MYT1L: variants seen among roughly 807,000 people sequenced by gnomAD.
The protein encoded by MYT1L is myelin transcription factor 1 like.
Under a neutral mutation model 126.7 loss-of-function variants are expected in MYT1L, and 12 were observed. The ratio of observed to expected loss-of-function variants is 0.09; its 90% confidence interval spans 0.06 to 0.15. The LOEUF (loss-of-function observed/expected upper bound fraction) is 0.15, where lower values mean the gene tolerates loss of function less well. Among genes scored for constraint, MYT1L ranks in the 10% least tolerant of loss-of-function variants. The pLI, the probability that MYT1L is intolerant of heterozygous loss-of-function variation, is 1.00. For missense variants in MYT1L, 979 were observed against 1,585.2 expected, an observed-to-expected ratio of 0.62 and a Z score of 6.49; for synonymous variants, 541 against 604.2, an observed-to-expected ratio of 0.90 and a Z score of 1.53.
intron 9 of MYT1L, among the ~76,000 whole-genome samples, chr2:1,928,667 G>A (rs1183957856): frequency 6.6e-6 from 1 of 152,104 alleles, no homozygotes; most frequent in Non-Finnish European, 1.5e-5. Context: ...TTTATCTTCC[G>A]AGTTTTTTTT....
intron 3 of MYT1L, among the ~76,000 whole-genome samples, chr2:2,154,011 C>A (rs1213724653): frequency 6.6e-6 from 1 of 152,150 alleles, no homozygotes; most frequent in East Asian, 1.9e-4. Context: ...GGCCTCTGGA[C>A]CGGATGGCAG....
intron 3 of MYT1L, among the ~76,000 whole-genome samples, chr2:2,152,171 C>T (rs1005448651): frequency 6.6e-6 from 1 of 152,224 alleles, no homozygotes; most frequent in Non-Finnish European, 1.5e-5. Flanking sequence ...GATTTGAACA[C>T]AAGTGCTGCG....
In MYT1L at chr2:1,789,481, C is replaced by T. The variant is rs2031651464; in HGVS notation, c.*2386G>A. ...CTAATATGTGACACTTTTGTGATCCCTATATAATAGTCACAGATAACTTTT... is the reference window on the plus strand; with the variant it reads ...CTAATATGTGACACTTTTGTGATCCTTATATAATAGTCACAGATAACTTTT... On this transcript the variant is annotated 3_prime_UTR_variant, in exon 25 of 25. Coordinates refer to ENST00000647738, the MANE Select transcript of MYT1L (RefSeq NM_001303052.2). 6.6e-6 allele frequency: 1 copy of T among 152,178 alleles called. No individual in the cohort carries two copies. The allele number at this position is 152,178 out of a possible 1,614,324, so 9.4% of individuals were successfully genotyped here.
rs566111236 is a variant in MYT1L, at chr2:2,238,241, C to A, written c.-421+46163G>T. Among the ~76,000 whole-genome samples the A allele has an allele frequency of 3.3e-5, 5 of 152,134 alleles. No homozygotes were observed. The South Asian group carries it at 1.0e-3, about 32-fold the overall frequency. On this transcript the variant is annotated intron_variant, in intron 2 of 24. Coordinates refer to ENST00000647738, the MANE Select transcript of MYT1L (RefSeq NM_001303052.2). ...ATTATCTGCTGTTAGGAAGTCAGTC[C>A]TTACTGGGAAACCCATGAGCTGTGT...
At chr2:2,203,572 C>G (rs1323276234) in intron 2 of MYT1L, among the ~76,000 whole-genome samples, 4 of 151,502 alleles carry the variant, frequency 2.6e-5, no homozygotes, top group Non-Finnish European at 4.4e-5. Context: ...AGGACCTCTT[C>G]AAGGAGAACT....
Position 1,792,459 on chromosome 2 carries a change from G to C in MYT1L, c.3282C>G (p.Thr1094=). 3.1e-6 allele frequency: 5 copies of C among 1,613,250 alleles called. No individual in the cohort carries two copies. The highest frequency in any genetic ancestry group is 4.2e-6 in the Non-Finnish European group (5 of 1,179,414). Reference sequence around the variant, plus strand: ...TGGTCTTCAGGTTGCTCTCCATCGTGGTAATCTGAAACGCACAAGTGTGCG... The same window carrying C: ...TGGTCTTCAGGTTGCTCTCCATCGTCGTAATCTGAAACGCACAAGTGTGCG... The part of the protein sequence containing the change: ...ADMIKLRTQI[T]TMESNLKTIE... The change falls in exon 24 of 25, where the codon ACC becomes ACG. Residue 1094 remains threonine, a synonymous_variant. Coordinates refer to ENST00000647738, the MANE Select transcript of MYT1L (RefSeq NM_001303052.2).
chr2:2,033,239 T>C, intron 4 of MYT1L, among the ~76,000 whole-genome samples: 1 of 81,678 alleles, frequency 1.2e-5, no homozygotes, highest in South Asian at 4.4e-4. Context: ...AGATTCTAGA[T>C]GGAGGGCCTT....
At chr2:1,851,823 G>A in intron 18 of MYT1L, 120 bp from the exon 19 acceptor site, 1 of 934,342 alleles carries the variant, frequency 1.1e-6, no homozygotes, top group Non-Finnish European at 1.7e-6. Flanking sequence ...CTTGAAAGAG[G>A]CTGAGTGGAG....
chr2:1,872,501 G>A (rs187238711), intron 18 of MYT1L, among the ~76,000 whole-genome samples: 1 of 152,312 alleles, frequency 6.6e-6, no homozygotes, highest in Admixed American at 6.5e-5. Context: ...TTTTCAGCCT[G>A]ATCTACAAGT....
chr2:2,223,565 T>C (rs2093935552), intron 2 of MYT1L, among the ~76,000 whole-genome samples: 1 of 152,246 alleles, frequency 6.6e-6, no homozygotes, highest in African/African-American at 2.4e-5. Context: ...CGAAAATAGC[T>C]GATTTGTCAC....
intron 2 of MYT1L, among the ~76,000 whole-genome samples, chr2:2,236,366 G>C (rs1445087327): frequency 8.8e-6 from 1 of 113,416 alleles, no homozygotes; most frequent in African/African-American, 3.4e-5. Context: ...ACCCACCCCA[G>C]TACATCCCAA....
intron 2 of MYT1L, among the ~76,000 whole-genome samples, chr2:2,183,239 T>C (rs1216432352): frequency 6.6e-6 from 1 of 152,034 alleles, no homozygotes; most frequent in Non-Finnish European, 1.5e-5. Flanking sequence ...GTTGCTGTTT[T>C]AGAACAGAGA....
chr2:2,209,244 CA>C (rs926139613), intron 2 of MYT1L, among the ~76,000 whole-genome samples: 4 of 151,906 alleles, frequency 2.6e-5, no homozygotes, highest in South Asian at 2.1e-4. Flanking sequence ...CTTTGTGTTA[CA>C]AAAAAAATCC....
rs186883402 is a variant in MYT1L at position 1,840,399 on chromosome 2, C to T, written c.2858+361G>A. 1.1e-3 allele frequency among the ~76,000 whole-genome samples: 172 copies of T among 152,246 alleles called. 1 individual carries two copies. The highest frequency in any genetic ancestry group is 3.8e-3 in the African/African-American group (156 of 41,534). On this transcript the variant is annotated intron_variant, in intron 20 of 24. Transcript: ENST00000647738. ...TAAGCCAGAATACCAGTGAAACATCCGCTTGTGATGTTGTATTTAGTACCT... is the reference window on the plus strand; with the variant it reads ...TAAGCCAGAATACCAGTGAAACATCTGCTTGTGATGTTGTATTTAGTACCT...
At chr2:2,125,717 T>TA (rs1358163546) in intron 3 of MYT1L, among the ~76,000 whole-genome samples, 1 of 152,214 alleles carries the variant, frequency 6.6e-6, no homozygotes, top group African/African-American at 2.4e-5. Context: ...CATTCTTTTA[T>TA]GGTACCCTTT....
At chr2:2,141,612 G>T (rs1366842914) in intron 3 of MYT1L, among the ~76,000 whole-genome samples, 1 of 152,230 alleles carries the variant, frequency 6.6e-6, no homozygotes, top group South Asian at 2.1e-4. Context: ...ATCAGGAGAA[G>T]AGACAGTCCA....
chr2:1,884,261 G>A (rs2047915261), intron 18 of MYT1L, among the ~76,000 whole-genome samples: 1 of 152,236 alleles, frequency 6.6e-6, no homozygotes, highest in Non-Finnish European at 1.5e-5. Flanking sequence ...AGGACACAGT[G>A]AATGGCTTAA....
intron 18 of MYT1L, among the ~76,000 whole-genome samples, chr2:1,867,237 C>T (rs35597801): frequency 0.018 from 2,660 of 151,952 alleles, 44 homozygotes; most frequent in Non-Finnish European, 0.03. Flanking sequence ...AGACCTTGGG[C>T]GAAGGTGTGG....
At chr2:2,128,792 A>G (rs1413041165) in intron 3 of MYT1L, among the ~76,000 whole-genome samples, 2 of 152,198 alleles carry the variant, frequency 1.3e-5, no homozygotes, top group East Asian at 3.8e-4. Flanking sequence ...AAATGTTAAT[A>G]ACACTGCATT....
Sources: allele counts gnomAD v4.1 joint callset (sites outside exome capture counted in the v4.1 genomes callset), GRCh38; gene constraint gnomAD v4.1.1; transcripts MANE v1.5; gene names NCBI Gene and HGNC (gene_info 2026-07-23, HGNC 2026-07-21).